FMNL2: variants seen among roughly 807,000 people sequenced by gnomAD.
FMNL2 encodes formin like 2.
Under a neutral mutation model 130.2 loss-of-function variants are expected in FMNL2, and 51 were observed. The observed-to-expected ratio is 0.39, with a 90% confidence interval of 0.31 to 0.49. The LOEUF is 0.49. Among genes scored for constraint, FMNL2 ranks in the 20% least tolerant of loss-of-function variants. The pLI, the probability that FMNL2 is intolerant of heterozygous loss-of-function variation, is 0.85. For synonymous variants in FMNL2, 465 were observed against 467.1 expected, an observed-to-expected ratio of 1.00 and a Z score of 0.06; for missense variants, 977 against 1,316.2, an observed-to-expected ratio of 0.74 and a Z score of 3.99.
intron 1 of FMNL2, among the ~76,000 whole-genome samples, chr2:152,336,083 T>G (rs1157942007): frequency 9.0e-6 from 1 of 111,528 alleles, no homozygotes; most frequent in East Asian, 6.4e-4. Context: ...CTTAGGCTTT[T>G]TTTTTAAAAA....
rs182101405 is a variant in FMNL2 at position 152,573,948 on chromosome 2, G to A, written c.597-1188G>A. On this transcript the variant is annotated intron_variant, in intron 6 of 25. Transcript: ENST00000288670. ...ATGTATTTGAGATTAGCTATCTACT[G>A]CAACAAATAGAAGCCCTTTGTGTTA... 9.4e-4 allele frequency among the ~76,000 whole-genome samples: 143 copies of A among 152,270 alleles called. 1 individual carries two copies. Among genetic ancestry groups the A allele is most frequent in the African/African-American group, 3.3e-3 (137 of 41,532 alleles).
chr2:152,335,822 TCCATTCCC>T, intron 1 of FMNL2, 102 bp downstream of exon 1: 1 of 812,320 alleles, frequency 1.2e-6, no homozygotes, highest in Non-Finnish European at 1.8e-6. Context: ...GGAGCGAGCC[TCCATTCCC>T]GAGGGGGAGG....
intron 25 of FMNL2, chr2:152,643,735 G>GTT: frequency 1.0e-6 from 1 of 985,408 alleles, no homozygotes; most frequent in Non-Finnish European, 1.2e-6. Flanking sequence ...TCACATTGCT[G>GTT]TAACAGTCTG....
chr2:152,639,820 C>A, intron 23 of FMNL2, 138 bp from the exon 24 acceptor site: 1 of 694,092 alleles, frequency 1.4e-6, no homozygotes, highest in Non-Finnish European at 2.4e-6. Context: ...TAAATACAGG[C>A]ATAAAGTGTA....
intron 3 of FMNL2, among the ~76,000 whole-genome samples, chr2:152,545,216 A>G (rs1188917310): frequency 6.6e-6 from 1 of 152,212 alleles, no homozygotes; most frequent in African/African-American, 2.4e-5. Flanking sequence ...TTGTTGAAAT[A>G]AGACATGGCT....
rs1173185679 is a variant in FMNL2, at chr2:152,578,872, T to A, written c.706-16T>A. 3.1e-6 allele frequency: 5 copies of A among 1,602,336 alleles called. No homozygotes were observed. Among genetic ancestry groups the A allele is most frequent in the Non-Finnish European group, 4.3e-6 (5 of 1,173,580 alleles). On this transcript the variant is annotated splice_polypyrimidine_tract_variant and intron_variant, in intron 7 of 25. Transcript: ENST00000288670. ...CCAATGCTTTGTGTTTCTTTTTTTT[T>A]CCATGTTAATTTTAGTATGGTTTCA... is the stretch of plus-strand genomic sequence containing the variant.
rs79312023 is a variant in FMNL2, at chr2:152,589,985, G to A, written c.876+8936G>A. 3.2e-3 allele frequency among the ~76,000 whole-genome samples: 145 copies of A among 45,604 alleles called. 2 individuals carry two copies. The highest frequency in any genetic ancestry group is 0.014 in the Middle Eastern group (1 of 72). 29.9% of individuals were successfully genotyped at this position (45,604 alleles called of 152,430 possible). On this transcript the variant is annotated intron_variant, in intron 9 of 25. Coordinates refer to ENST00000288670, the MANE Select transcript of FMNL2 (RefSeq NM_052905.4). ...TATATATATATATATATATATATAT[G>A]TATATGTATATGTATATATATATAC... is the stretch of plus-strand genomic sequence containing the variant.
intron 17 of FMNL2, 29 bp downstream of exon 17, chr2:152,626,756 AGTTT>A (rs779996572): frequency 1.3e-6 from 2 of 1,552,768 alleles, no homozygotes; most frequent in East Asian, 2.3e-5. Context: ...TATTCTAGTT[AGTTT>A]ATGATAAAAT....
At chr2:152,424,631 C>T (rs571281277) in intron 1 of FMNL2, among the ~76,000 whole-genome samples, 50 of 152,058 alleles carry the variant, frequency 3.3e-4, no homozygotes, top group African/African-American at 1.1e-3. Context: ...CCTTGTGATT[C>T]GCCCATCTCG....
intron 1 of FMNL2, among the ~76,000 whole-genome samples, chr2:152,385,378 C>T (rs186429079): frequency 3.7e-4 from 56 of 150,948 alleles, no homozygotes; most frequent in African/African-American, 1.2e-3. Flanking sequence ...GGCTCAGAGG[C>T]CTTTTACGTC....
chr2:152,581,102 A>G, intron 9 of FMNL2, 53 bp downstream of exon 9: 4 of 1,486,894 alleles, frequency 2.7e-6, no homozygotes, highest in Non-Finnish European at 3.7e-6. Context: ...ACATTTGGAC[A>G]TCTTTGAACG....
chr2:152,503,918 T>C (rs1297786239), intron 1 of FMNL2, among the ~76,000 whole-genome samples: 4 of 152,182 alleles, frequency 2.6e-5, no homozygotes, highest in African/African-American at 9.7e-5. Context: ...AGCTGGGCAT[T>C]GTAGCACATG....
chr2:152,519,692 G>A (rs148004664), intron 1 of FMNL2, among the ~76,000 whole-genome samples: 106 of 152,254 alleles, frequency 7.0e-4, no homozygotes, highest in African/African-American at 2.5e-3. Flanking sequence ...AAATTCTCCC[G>A]GGTCTATTTC....
intron 3 of FMNL2, 53 bp from the exon 4 acceptor site, chr2:152,548,968 A>G (rs764456545): frequency 1.5e-6 from 2 of 1,331,738 alleles, no homozygotes; most frequent in African/African-American, 1.5e-5. Context: ...ACTAAGCTTC[A>G]GTTATAGCAG....
At chr2:152,549,308 C>G (rs2105530692) in intron 4 of FMNL2, among the ~76,000 whole-genome samples, 1 of 152,310 alleles carries the variant, frequency 6.6e-6, no homozygotes. Flanking sequence ...GAATTTATAA[C>G]AATTCTATAT....
At chr2:152,387,180 A>G (rs1579540597) in intron 1 of FMNL2, among the ~76,000 whole-genome samples, 1 of 152,168 alleles carries the variant, frequency 6.6e-6, no homozygotes, top group Admixed American at 6.5e-5. Flanking sequence ...CCAAAGCCCA[A>G]CTGTTATCTA....
chr2:152,346,013 C>G (rs1197864171), intron 1 of FMNL2, among the ~76,000 whole-genome samples: 1 of 152,002 alleles, frequency 6.6e-6, no homozygotes, highest in African/African-American at 2.4e-5. Flanking sequence ...CATTAAACAC[C>G]TATAGTTTTT....
chr2:152,472,567 C>T (rs1279182961), intron 1 of FMNL2, among the ~76,000 whole-genome samples: 1 of 152,158 alleles, frequency 6.6e-6, no homozygotes, highest in Non-Finnish European at 1.5e-5. Context: ...GGATACTGCC[C>T]CAGATATGGC....
At chr2:152,528,053 ATTAATTTTC>A (rs1383711972) in intron 2 of FMNL2, among the ~76,000 whole-genome samples, 2 of 152,142 alleles carry the variant, frequency 1.3e-5, no homozygotes, top group Admixed American at 1.3e-4. Context: ...ATCAATTTTC[ATTAATTTTC>A]TTAATCTCTT....
Sources: allele counts gnomAD v4.1 joint callset (sites outside exome capture counted in the v4.1 genomes callset), GRCh38; gene constraint gnomAD v4.1.1; transcripts MANE v1.5; gene names NCBI Gene and HGNC (gene_info 2026-07-23, HGNC 2026-07-21).